SESTD1: variants seen among roughly 807,000 people sequenced by gnomAD.
SESTD1 encodes the protein SEC14 and spectrin domain containing 1.
In SESTD1, 43 loss-of-function variants were observed where a neutral mutation model predicts 101.7. The ratio of observed to expected loss-of-function variants is 0.42; its 90% CI spans 0.33 to 0.55. The LOEUF (loss-of-function observed/expected upper bound fraction) is 0.55, where lower values mean the gene tolerates loss of function less well. SESTD1 is among the 20% of genes least tolerant of loss of function. SESTD1 has a pLI of 0.07. For synonymous variants in SESTD1, 283 were observed against 286.8 expected, an observed-to-expected ratio of 0.99 and a Z score of 0.13; for missense variants, 647 against 815.1, an observed-to-expected ratio of 0.79 and a Z score of 2.51.
intron 5 of SESTD1, among the ~76,000 whole-genome samples, chr2:179,171,916 A>G (rs2045936220): frequency 6.6e-6 from 1 of 152,206 alleles, no homozygotes. Context: ...ATGGAAAACA[A>G]GAAAGCTTTC....
chr2:179,183,116 A>C lies in SESTD1; in HGVS notation c.128T>G (p.Leu43Arg). Reference sequence around the variant, plus strand: ...GAGTAGGTAGTCTAAGGTGACACTCAGCTCATCCATATTTGTCTGTTCGAG... The same window carrying C: ...GAGTAGGTAGTCTAAGGTGACACTCCGCTCATCCATATTTGTCTGTTCGAG... ...LCLEQTNMDELSVTLDYLLSI... is the reference protein window; with the variant it reads ...LCLEQTNMDERSVTLDYLLSI... The change falls in exon 3 of 18, where the codon CTG becomes CGG. Residue 43 changes from leucine to arginine, a missense_variant. Physicochemically the swap from Leu to Arg is moderately radical, Grantham distance 102. Transcript: ENST00000428443. The C allele has an allele frequency of 6.2e-7, 1 of 1,612,150 alleles. No homozygotes were observed. The highest frequency in any genetic ancestry group is 1.1e-5 in the South Asian group (1 of 90,894).
At chr2:179,218,717 C>G (rs951524723) in intron 1 of SESTD1, among the ~76,000 whole-genome samples, 1 of 152,130 alleles carries the variant, frequency 6.6e-6, no homozygotes, top group Admixed American at 6.5e-5. Context: ...AACTATCTTT[C>G]CCAGTATTGT....
Position 179,124,504 on chromosome 2 carries a change from C to A in SESTD1, c.1027G>T (p.Ala343Ser), listed in dbSNP as rs1398124694. 1.2e-6 allele frequency: 2 copies of A among 1,614,060 alleles called. No individual in the cohort carries two copies. Among genetic ancestry groups the A allele is most frequent in the Admixed American group, 3.3e-5 (2 of 60,014 alleles). ...LNQQIAALLN[A>S]GDEEDLVELK... ...TCCACAAGATCTTCCTCATCGCCAG[C>A]ATTCAAGAGTGCTGCAATTTGCTGA... The change falls in exon 11 of 18, where the codon GCT becomes TCT. Residue 343 changes from alanine to serine, a missense_variant. Physicochemically the swap from Ala to Ser is moderately conservative, Grantham distance 99. Coordinates refer to ENST00000428443, the MANE Select transcript of SESTD1 (RefSeq NM_178123.5).
intron 9 of SESTD1, among the ~76,000 whole-genome samples, chr2:179,136,972 A>G (rs1318660290): frequency 6.6e-6 from 1 of 152,176 alleles, no homozygotes; most frequent in East Asian, 1.9e-4. Flanking sequence ...AGACACAGTA[A>G]ATATGCCTAT....
intron 4 of SESTD1, chr2:179,174,529 T>C (rs1414710449): frequency 9.3e-6 from 4 of 430,168 alleles, no homozygotes; most frequent in Non-Finnish European, 1.9e-5. Flanking sequence ...TCTTACCTAA[T>C]AGTTATTTTA....
intron 1 of SESTD1, among the ~76,000 whole-genome samples, chr2:179,197,480 G>A (rs1210459303): frequency 1.3e-5 from 2 of 152,132 alleles, no homozygotes; most frequent in African/African-American, 4.8e-5. Flanking sequence ...TACTCTTCGA[G>A]AAGAGCAACC....
chr2:179,130,130 A>C, intron 10 of SESTD1, among the ~76,000 whole-genome samples: 1 of 152,174 alleles, frequency 6.6e-6, no homozygotes, highest in African/African-American at 2.4e-5. Context: ...TTAAAAGTAC[A>C]AGAATGAAAA....
intron 1 of SESTD1, among the ~76,000 whole-genome samples, chr2:179,245,403 C>A (rs887877137): frequency 6.6e-6 from 1 of 150,786 alleles, no homozygotes; most frequent in African/African-American, 2.4e-5. Context: ...GTAGTCCCAG[C>A]TACTCAGGAG....
chr2:179,168,654 T>C (rs1347350313), intron 5 of SESTD1, among the ~76,000 whole-genome samples: 1 of 152,184 alleles, frequency 6.6e-6, no homozygotes, highest in Non-Finnish European at 1.5e-5. Flanking sequence ...AGAAGTACTT[T>C]AGGCAGAAGG....
In SESTD1 at chr2:179,197,477, C is replaced by T. The variant is rs186858578; in HGVS notation, c.-25-5611G>A. Among the ~76,000 whole-genome samples the T allele has an allele frequency of 9.0e-3, 1,365 of 152,176 alleles. 9 individuals carry two copies. The highest frequency in any genetic ancestry group is 0.02 in the Middle Eastern group (6 of 294). ...CAGAGAACACCACAAAGATACTCTT[C>T]GAGAAGAGCAACCCCAAGACACGTA... On this transcript the variant is annotated intron_variant, in intron 1 of 17. Coordinates refer to ENST00000428443, the MANE Select transcript of SESTD1 (RefSeq NM_178123.5).
At position 179,105,650 on chromosome 2, in the gene SESTD1, G is replaced by C. The variant is rs1427992097; in HGVS notation, c.*4249C>G. On this transcript the variant is annotated 3_prime_UTR_variant, in exon 18 of 18. Coordinates refer to ENST00000428443, the MANE Select transcript of SESTD1 (RefSeq NM_178123.5). ...AATACTCTATTTTTTATTCTGAAAA[G>C]ATAATTATAGCAATGATACCTTCCA... 6.6e-6 allele frequency: 1 copy of C among 152,116 alleles called. No individual in the cohort carries two copies. The highest frequency in any genetic ancestry group is 1.5e-5 in the Non-Finnish European group (1 of 68,014). The allele number at this position is 152,116 out of a possible 1,614,324, so 9.4% of individuals were successfully genotyped here. A position where few individuals can be genotyped will look rare whatever the true frequency, so the allele number is the denominator to read the frequency against.
At chr2:179,243,881 C>T (rs944918634) in intron 1 of SESTD1, among the ~76,000 whole-genome samples, 2 of 151,220 alleles carry the variant, frequency 1.3e-5, no homozygotes, top group African/African-American at 4.9e-5. Context: ...TAACAAACTA[C>T]ATATGTACCC....
intron 2 of SESTD1, 102 bp downstream of exon 2, chr2:179,191,685 A>G: frequency 2.0e-6 from 2 of 978,128 alleles, no homozygotes; most frequent in Non-Finnish European, 3.1e-6. Context: ...CCTTTTAAAC[A>G]AAACTTTCAT....
In SESTD1 at chr2:179,108,320, A is replaced by C. The variant is rs1480485120; in HGVS notation, c.*1579T>G. On this transcript the variant is annotated 3_prime_UTR_variant, in exon 18 of 18. Transcript: ENST00000428443. ...GTTATTTCAGAGGATAGCATCTTCA[A>C]GGAAGGAGACACTGTCTAGGAAAGG... 1 of 152,198 alleles carries C rather than the reference A, an allele frequency of 6.6e-6. No homozygotes were observed. The allele number at this position is 152,198 out of a possible 1,614,324, so 9.4% of individuals were successfully genotyped here. A position where few individuals can be genotyped will look rare whatever the true frequency, so the allele number is the denominator to read the frequency against.
chr2:179,200,592 G>A (rs185845032), intron 1 of SESTD1, among the ~76,000 whole-genome samples: 8 of 152,144 alleles, frequency 5.3e-5, no homozygotes, highest in African/African-American at 1.7e-4. Context: ...CAATGGAACC[G>A]AATAGAGCTC....
intron 9 of SESTD1, among the ~76,000 whole-genome samples, chr2:179,137,050 A>AT (rs1439758971): frequency 2.6e-5 from 4 of 152,176 alleles, no homozygotes; most frequent in Admixed American, 6.5e-5. Context: ...TGCATTAATA[A>AT]TGGCAGTTTG....
chr2:179,187,843 A>G (rs1037284758), intron 2 of SESTD1, among the ~76,000 whole-genome samples: 3 of 152,210 alleles, frequency 2.0e-5, no homozygotes, highest in Non-Finnish European at 2.9e-5. Flanking sequence ...GAAGAGCATT[A>G]CATAATAATA....
intron 1 of SESTD1, among the ~76,000 whole-genome samples, chr2:179,243,741 CTG>C (rs2047187523): frequency 7.3e-6 from 1 of 136,068 alleles, no homozygotes; most frequent in South Asian, 2.7e-4. Context: ...ACAAGAGACA[CTG>C]GGGCTACTAG....
In SESTD1 at chr2:179,103,633, A is replaced by G. The variant is rs2044320019; in HGVS notation, c.*6266T>C. The G allele has an allele frequency of 6.6e-6, 1 of 152,168 alleles. No individual in the cohort carries two copies. The highest frequency in any genetic ancestry group is 1.5e-5 in the Non-Finnish European group (1 of 68,028). The allele number at this position is 152,168 out of a possible 1,614,324, so 9.4% of individuals were successfully genotyped here. On this transcript the variant is annotated 3_prime_UTR_variant, in exon 18 of 18. Transcript: ENST00000428443. ...AAAAAGAACAGCAATAAAAAAATGA[A>G]GCCTTGTAGAAAAGCGTACATGTTG...
Sources: allele counts gnomAD v4.1 joint callset (sites outside exome capture counted in the v4.1 genomes callset), GRCh38; gene constraint gnomAD v4.1.1; transcripts MANE v1.5; gene names NCBI Gene and HGNC (gene_info 2026-07-23, HGNC 2026-07-21).